The following MAN2A1 variants were observed in gnomAD, a reference collection of about 807,000 sequenced individuals.
The protein encoded by MAN2A1 is alpha-mannosidase 2.
Under a neutral mutation model 142.6 loss-of-function variants are expected in MAN2A1, and 76 were observed. The ratio of observed to expected loss-of-function variants is 0.53; its 90% CI spans 0.44 to 0.65. MAN2A1 has a LOEUF of 0.65. Among genes scored for constraint, MAN2A1 ranks in the 30% least tolerant of loss-of-function variants. MAN2A1 has a pLI of 0.00. For synonymous variants in MAN2A1, 559 were observed against 473.2 expected (o/e 1.18, Z -2.35); for missense variants, 1,311 against 1,365.1 (o/e 0.96, Z 0.62).
intron 8 of MAN2A1, among the ~76,000 whole-genome samples, chr5:109,780,960 A>G (rs1753440575): frequency 6.6e-6 from 1 of 152,170 alleles, no homozygotes; most frequent in Non-Finnish European, 1.5e-5. Flanking sequence ...TGGCTAACAG[A>G]ATTATTCTTC....
chr5:109,771,000 C>G (rs1019684296), intron 7 of MAN2A1, among the ~76,000 whole-genome samples: 1 of 152,106 alleles, frequency 6.6e-6, no homozygotes, highest in Non-Finnish European at 1.5e-5. Context: ...TGCTTCCCAG[C>G]TCTGGTGTAT....
chr5:109,832,367 G>A (rs1441472304), intron 16 of MAN2A1, among the ~76,000 whole-genome samples: 3 of 151,536 alleles, frequency 2.0e-5, no homozygotes, highest in South Asian at 2.1e-4. Flanking sequence ...TTAGGGAGTG[G>A]TGATGACTCT....
intron 4 of MAN2A1, among the ~76,000 whole-genome samples, chr5:109,737,899 G>A (rs529654137): frequency 6.6e-6 from 1 of 152,298 alleles, no homozygotes; most frequent in Admixed American, 6.5e-5. Context: ...TGGCAAGTAG[G>A]TTAGCTGAAA....
rs140007198 is a variant in MAN2A1 at position 109,750,455 on chromosome 5, T to A, written c.708-4874T>A. Among the ~76,000 whole-genome samples, 1,019 of 152,210 alleles carry A rather than the reference T, an allele frequency of 6.7e-3. 14 individuals carry two copies. The highest frequency in any genetic ancestry group is 0.022 in the African/African-American group (902 of 41,554). The stretch of plus-strand genomic sequence containing the variant: ...AGTTCAATGAAATAGGAGTACTCAC[T>A]AACCTGATTATTCTACCAGGTATCA... On this transcript the variant is annotated intron_variant, in intron 4 of 21. Coordinates refer to ENST00000261483, the MANE Select transcript of MAN2A1 (RefSeq NM_002372.4).
chr5:109,780,959 GAAT>G (rs1753440661), intron 8 of MAN2A1, among the ~76,000 whole-genome samples: 1 of 152,170 alleles, frequency 6.6e-6, no homozygotes, highest in Non-Finnish European at 1.5e-5. Flanking sequence ...ATGGCTAACA[GAAT>G]TATTCTTCTA....
chr5:109,826,437 T>C (rs1034310648), intron 16 of MAN2A1, among the ~76,000 whole-genome samples: 6 of 152,170 alleles, frequency 3.9e-5, no homozygotes, highest in Non-Finnish European at 5.9e-5. Context: ...ATTTTTTTTT[T>C]CAACATGAAA....
At chr5:109,866,739 A>G in intron 21 of MAN2A1, 107 bp from the exon 22 acceptor site, 1 of 656,434 alleles carries the variant, frequency 1.5e-6, no homozygotes, top group South Asian at 2.6e-5. Context: ...AGAGAACTTC[A>G]ACATACTGTT....
rs529993773 is a variant in MAN2A1 at position 109,868,071 on chromosome 5, A to G, written c.*1073A>G. 6.6e-6 allele frequency: 1 copy of G among 152,316 alleles called. No homozygotes were observed. Among genetic ancestry groups the G allele is most frequent in the East Asian group, 1.9e-4 (1 of 5,180 alleles). The allele number at this position is 152,316 out of a possible 1,614,324, so 9.4% of individuals were successfully genotyped here. Reference sequence around the variant, plus strand: ...TCAGAAAACAAAACAAGGAAGGAAAATATTGTTAATTAAAATGTGCTGCTG... The same window carrying G: ...TCAGAAAACAAAACAAGGAAGGAAAGTATTGTTAATTAAAATGTGCTGCTG... On this transcript the variant is annotated 3_prime_UTR_variant, in exon 22 of 22. Coordinates refer to ENST00000261483, the MANE Select transcript of MAN2A1 (RefSeq NM_002372.4).
chr5:109,769,415 A>G (rs1753079774), intron 6 of MAN2A1, among the ~76,000 whole-genome samples: 1 of 152,196 alleles, frequency 6.6e-6, no homozygotes, highest in Admixed American at 6.6e-5. Context: ...TCACTTATTA[A>G]AAATGTAAAT....
chr5:109,785,912 G>A (rs1273371008), intron 10 of MAN2A1, among the ~76,000 whole-genome samples: 2 of 152,036 alleles, frequency 1.3e-5, no homozygotes, highest in African/African-American at 4.8e-5. Flanking sequence ...GATGAGAAAA[G>A]CGTATACAAC....
At chr5:109,745,904 A>G (rs1016787401) in intron 4 of MAN2A1, among the ~76,000 whole-genome samples, 4 of 152,200 alleles carry the variant, frequency 2.6e-5, no homozygotes, top group African/African-American at 4.8e-5. Context: ...GGTGTGAGCC[A>G]CTGCACTTGG....
intron 16 of MAN2A1, 27 bp downstream of exon 16, chr5:109,823,864 A>G: frequency 8.6e-7 from 1 of 1,159,148 alleles, no homozygotes; most frequent in African/African-American, 1.6e-5. Context: ...GCAGTTATGA[A>G]ACATATGTAT....
At chr5:109,754,156 C>T (rs908794709) in intron 4 of MAN2A1, among the ~76,000 whole-genome samples, 1 of 152,134 alleles carries the variant, frequency 6.6e-6, no homozygotes, top group African/African-American at 2.4e-5. Flanking sequence ...AAGCAATCCT[C>T]CTGTCTTGGC....
chr5:109,778,172 A>G (rs1344079445), intron 8 of MAN2A1, among the ~76,000 whole-genome samples: 1 of 151,944 alleles, frequency 6.6e-6, no homozygotes, highest in Admixed American at 6.6e-5. Flanking sequence ...TTATTGGGCC[A>G]TCTAATCGAT....
chr5:109,713,477 A>G (rs17162097), intron 1 of MAN2A1, 43 bp from the exon 2 acceptor site: 138,233 of 1,532,072 alleles, frequency 0.09, 7,241 homozygotes, highest in African/African-American at 0.21. Flanking sequence ...CAGCAGATCT[A>G]TATTAGTATT....
Position 109,700,922 on chromosome 5 carries a change from T to C in MAN2A1, c.135+10370T>C, listed in dbSNP as rs569280183. 2.6e-5 allele frequency among the ~76,000 whole-genome samples: 4 copies of C among 152,326 alleles called. No individual in the cohort carries two copies. In the East Asian group the frequency reaches 7.7e-4, roughly 29 times the overall value. ...TATGTTACTTGTTTTGAAAGAACTT[T>C]TTAGTTATTTAGGGAAACAAAACTG... On this transcript the variant is annotated intron_variant, in intron 1 of 21. Coordinates refer to ENST00000261483, the MANE Select transcript of MAN2A1 (RefSeq NM_002372.4).
chr5:109,808,617 A>G (rs1458925958), intron 12 of MAN2A1, among the ~76,000 whole-genome samples: 2 of 151,582 alleles, frequency 1.3e-5, no homozygotes, highest in African/African-American at 4.8e-5. Flanking sequence ...TTTGAATAGT[A>G]TTGTTTAGAT....
At chr5:109,813,007 G>T (rs942526542) in intron 12 of MAN2A1, among the ~76,000 whole-genome samples, 2 of 152,030 alleles carry the variant, frequency 1.3e-5, no homozygotes, top group Non-Finnish European at 2.9e-5. Flanking sequence ...GAAAAAATAT[G>T]TATTTTTTTA....
rs750284627 is a variant in MAN2A1 at position 109,817,280 on chromosome 5, G to T, written c.1951G>T (p.Val651Leu). The T allele has an allele frequency of 6.2e-7, 1 of 1,613,634 alleles. No homozygotes were observed. Among genetic ancestry groups the T allele is most frequent in the East Asian group, 2.2e-5 (1 of 44,872 alleles). Residue 651 changes from valine (V) to leucine (L), a missense_variant, in exon 13 of 22, where the codon GTG (valine) becomes TTG (leucine). Coordinates refer to ENST00000261483, the MANE Select transcript of MAN2A1 (RefSeq NM_002372.4). ...IRLSAEPRYL[V>L]VYNPLEQDRI... ...AAGCAGCTGTTTTTGCAGGTACCTT[G>T]TGGTCTATAATCCTTTAGAACAAGA...
Sources: allele counts gnomAD v4.1 joint callset (sites outside exome capture counted in the v4.1 genomes callset), GRCh38; gene constraint gnomAD v4.1.1; transcripts MANE v1.5; gene names NCBI Gene and HGNC (gene_info 2026-07-23, HGNC 2026-07-21).